CAMKMT: variants seen among roughly 807,000 people sequenced by gnomAD.
CAMKMT encodes CaM KMT.
Under a neutral mutation model 48.0 loss-of-function variants are expected in CAMKMT, and 53 were observed. The observed-to-expected ratio is 1.10, with a 90% CI of 0.89 to 1.39. CAMKMT has a LOEUF of 1.39. Among genes scored for constraint, CAMKMT ranks in the 40% most tolerant of loss-of-function variants. The pLI, the probability that CAMKMT is intolerant of heterozygous loss-of-function variation, is 0.00. For synonymous variants in CAMKMT, 165 were observed against 152.3 expected (o/e 1.08, Z -0.61); for missense variants, 428 against 402.7 (o/e 1.06, Z -0.54).
intron 3 of CAMKMT, among the ~76,000 whole-genome samples, chr2:44,511,387 C>G (rs1251592885): frequency 2.0e-5 from 3 of 152,208 alleles, no homozygotes; most frequent in Admixed American, 6.5e-5. Context: ...CTACTAGGTT[C>G]AAGCAATTCT....
intron 3 of CAMKMT, among the ~76,000 whole-genome samples, chr2:44,630,762 G>C (rs1672764713): frequency 6.6e-6 from 1 of 150,996 alleles, no homozygotes; most frequent in Non-Finnish European, 1.5e-5. Flanking sequence ...TGCTGGAGAG[G>C]ATGTGGAGAA....
intron 7 of CAMKMT, among the ~76,000 whole-genome samples, chr2:44,741,120 G>C (rs566914739): frequency 6.6e-6 from 1 of 152,364 alleles, no homozygotes; most frequent in African/African-American, 2.4e-5. Context: ...CATATGATCA[G>C]TGGACTTGTA....
At chr2:44,372,694 A>G in intron 1 of CAMKMT, 22 bp from the exon 2 acceptor site, 2 of 1,602,526 alleles carry the variant, frequency 1.2e-6, no homozygotes, top group Non-Finnish European at 1.7e-6. Flanking sequence ...ACATGACTGC[A>G]ATATTTGGCT....
Position 44,536,547 on chromosome 2 carries a change from C to G in CAMKMT, c.376+146242C>G, listed in dbSNP as rs190969486. 3.0e-3 allele frequency among the ~76,000 whole-genome samples: 462 copies of G among 152,000 alleles called. 2 individuals carry two copies. The highest frequency in any genetic ancestry group is 0.011 in the African/African-American group (446 of 41,470). Reference sequence around the variant, plus strand: ...TTCACCATGTTGGCCAGGCTGGTTTCATACTCCTGACCTCAAGTGATCCAC... The same window carrying G: ...TTCACCATGTTGGCCAGGCTGGTTTGATACTCCTGACCTCAAGTGATCCAC... On this transcript the variant is annotated intron_variant, in intron 3 of 10. Transcript: ENST00000378494.
intron 10 of CAMKMT, among the ~76,000 whole-genome samples, chr2:44,771,784 G>C (rs974529736): frequency 3.0e-4 from 45 of 152,110 alleles, no homozygotes; most frequent in African/African-American, 1.0e-3. Flanking sequence ...ACAGTTTATA[G>C]AGGTCAAAGT....
chr2:44,522,237 C>T (rs1671154283), intron 3 of CAMKMT, among the ~76,000 whole-genome samples: 1 of 152,040 alleles, frequency 6.6e-6, no homozygotes, highest in Non-Finnish European at 1.5e-5. Flanking sequence ...GATCTCCTGA[C>T]CTCGTGATAT....
intron 6 of CAMKMT, among the ~76,000 whole-genome samples, chr2:44,710,312 A>T (rs1423100724): frequency 1.3e-5 from 2 of 152,148 alleles, no homozygotes; most frequent in South Asian, 2.1e-4. Flanking sequence ...TGACTCTGAA[A>T]AGCTAGATGT....
chr2:44,496,956 G>A (rs150477665), intron 3 of CAMKMT, among the ~76,000 whole-genome samples: 69 of 152,264 alleles, frequency 4.5e-4, no homozygotes, highest in Non-Finnish European at 6.5e-4. Context: ...GAAGTTAAAT[G>A]TCAACCTTTG....
intron 3 of CAMKMT, among the ~76,000 whole-genome samples, chr2:44,560,841 CCCTGGA>C (rs2103692571): frequency 6.6e-6 from 1 of 152,262 alleles, no homozygotes; most frequent in African/African-American, 2.4e-5. Flanking sequence ...TGTTTCAGAA[CCCTGGA>C]GTGTAATTTG....
chr2:44,692,165 G>A (rs564059464), intron 3 of CAMKMT, among the ~76,000 whole-genome samples: 1 of 152,120 alleles, frequency 6.6e-6, no homozygotes, highest in South Asian at 2.1e-4. Flanking sequence ...ATCCCTGAAA[G>A]TACCATAAAA....
chr2:44,639,837 A>G (rs562219636), intron 3 of CAMKMT, among the ~76,000 whole-genome samples: 8 of 152,340 alleles, frequency 5.3e-5, no homozygotes, highest in African/African-American at 1.4e-4. Context: ...TGAATTATAT[A>G]AGGACATCAG....
chr2:44,748,781 G>T lies in CAMKMT; in HGVS notation c.698+5085G>T, dbSNP rs534094703. On this transcript the variant is annotated intron_variant, in intron 8 of 10. Transcript: ENST00000378494. ...AGTCCCAGCTACTCGGGAGACTGAGGCAGGAGAATGGCATGAACCCGGGAG... is the reference window on the plus strand; with the variant it reads ...AGTCCCAGCTACTCGGGAGACTGAGTCAGGAGAATGGCATGAACCCGGGAG... Among the ~76,000 whole-genome samples, 13 of 152,242 alleles carry T rather than the reference G, an allele frequency of 8.5e-5. No homozygotes were observed. The South Asian group carries it at 2.3e-3, about 27-fold the overall frequency.
At chr2:44,641,467 AGT>A (rs1673449018) in intron 3 of CAMKMT, among the ~76,000 whole-genome samples, 1 of 152,026 alleles carries the variant, frequency 6.6e-6, no homozygotes, top group Admixed American at 6.6e-5. Context: ...GACCTAAGGC[AGT>A]AGACTCAAAC....
At chr2:44,438,610 G>C (rs1666432625) in intron 3 of CAMKMT, among the ~76,000 whole-genome samples, 1 of 152,098 alleles carries the variant, frequency 6.6e-6, no homozygotes, top group Non-Finnish European at 1.5e-5. Context: ...TTAAAGATAT[G>C]ATCCCTACCT....
At chr2:44,570,833 C>G (rs904757744) in intron 3 of CAMKMT, among the ~76,000 whole-genome samples, 16 of 152,094 alleles carry the variant, frequency 1.1e-4, no homozygotes, top group African/African-American at 3.9e-4. Flanking sequence ...AATTTGGGGA[C>G]CATGTTTTAA....
chr2:44,600,351 C>G (rs1317583978), intron 3 of CAMKMT, among the ~76,000 whole-genome samples: 1 of 151,976 alleles, frequency 6.6e-6, no homozygotes, highest in African/African-American at 2.4e-5. Flanking sequence ...ACTACACCCT[C>G]AAACTCCTGG....
intron 3 of CAMKMT, among the ~76,000 whole-genome samples, chr2:44,659,918 G>A (rs1490484365): frequency 3.3e-5 from 5 of 151,874 alleles, no homozygotes; most frequent in African/African-American, 1.2e-4. Context: ...CAAGATTTTT[G>A]GTCCCTGGAC....
chr2:44,593,210 C>T (rs1383395834), intron 3 of CAMKMT, among the ~76,000 whole-genome samples: 1 of 152,156 alleles, frequency 6.6e-6, no homozygotes, highest in East Asian at 1.9e-4. Flanking sequence ...ATGTTCAATG[C>T]ATTAAGAAGT....
intron 3 of CAMKMT, among the ~76,000 whole-genome samples, chr2:44,624,787 C>A (rs1456732655): frequency 6.6e-6 from 1 of 152,044 alleles, no homozygotes; most frequent in African/African-American, 2.4e-5. Flanking sequence ...AATAAATATA[C>A]CTGTGCATGT....
Sources: allele counts gnomAD v4.1 joint callset (sites outside exome capture counted in the v4.1 genomes callset), GRCh38; gene constraint gnomAD v4.1.1; transcripts MANE v1.5; gene names NCBI Gene and HGNC (gene_info 2026-07-23, HGNC 2026-07-21).